Variants in SPTB observed in about 807,000 individuals in gnomAD.
SPTB encodes the protein spectrin beta chain, erythrocytic.
A neutral mutation model predicts 256.2 loss-of-function variants in SPTB; 45 were observed. That is an observed-to-expected ratio of 0.18 (90% CI 0.14 to 0.23). The LOEUF (loss-of-function observed/expected upper bound fraction) is 0.23. Among genes scored for constraint, SPTB ranks in the 10% least tolerant of loss-of-function variants. The pLI is 1.00. For missense variants in SPTB, 2,715 were observed against 3,040.4 expected, an observed-to-expected ratio of 0.89 and a Z score of 2.52; for synonymous variants, 1,231 against 1,243.1, an observed-to-expected ratio of 0.99 and a Z score of 0.21.
chr14:64,878,255 G>C (rs1036844135), intron 1 of SPTB, among the ~76,000 whole-genome samples: 6 of 152,154 alleles, frequency 3.9e-5, no homozygotes, highest in African/African-American at 1.4e-4. Flanking sequence ...TGGAGTTAGT[G>C]GGTTTCAAGG....
At chr14:64,812,659 A>C (rs2083111433) in intron 2 of SPTB, among the ~76,000 whole-genome samples, 1 of 151,968 alleles carries the variant, frequency 6.6e-6, no homozygotes, top group Admixed American at 6.5e-5. Context: ...ACCAGCTGCC[A>C]GCCCCACCCA....
At position 64,749,088 on chromosome 14, in the gene SPTB, C is replaced by G. The variant is rs2081897898; in HGVS notation, c.*218G>C. 2 of 494,510 alleles carry G rather than the reference C, an allele frequency of 4.0e-6. No homozygotes were observed. The highest frequency in any genetic ancestry group is 7.0e-6 in the Non-Finnish European group (2 of 283,862). 30.6% of individuals were successfully genotyped at this position (494,510 alleles called of 1,614,324 possible). A position where few individuals can be genotyped will look rare whatever the true frequency, so the allele number is the denominator to read the frequency against. On this transcript the variant is annotated 3_prime_UTR_variant, in exon 36 of 36. Coordinates refer to ENST00000644917, the MANE Select transcript of SPTB (RefSeq NM_001355436.2). This position sits in a 1 kb window ranked among gnomAD's most constrained non-coding sequence, Gnocchi z 4.7. ...CGCCAGAGGAGCTGGGAGCCCCTGT[C>G]CCTGGAGCGGAGCCAGCGCGGGCGA...
intron 5 of SPTB, 24 bp from the exon 6 acceptor site, chr14:64,801,858 A>G (rs946132169): frequency 1.9e-6 from 3 of 1,608,170 alleles, no homozygotes; most frequent in Non-Finnish European, 2.6e-6. Context: ...AAACAGTAAG[A>G]GCTAAGAATT....
intron 32 of SPTB, among the ~76,000 whole-genome samples, chr14:64,762,775 G>A (rs2082112816): frequency 6.6e-6 from 1 of 152,188 alleles, no homozygotes; most frequent in Admixed American, 6.5e-5. Context: ...GGCTGATAAC[G>A]AGGGGGCACC....
intron 9 of SPTB, 126 bp from the exon 10 acceptor site, chr14:64,797,972 C>A: frequency 2.6e-6 from 2 of 772,166 alleles, no homozygotes; most frequent in South Asian, 1.4e-5. Context: ...CTTAAAAACA[C>A]AGAAAAACTA....
rs772702583 is a variant in SPTB at position 64,792,391 on chromosome 14, T to C, written c.2667-535A>G. 6.6e-6 allele frequency among the ~76,000 whole-genome samples: 1 copy of C among 152,218 alleles called. No individual in the cohort carries two copies. The highest frequency in any genetic ancestry group is 1.5e-5 in the Non-Finnish European group (1 of 68,042). ...CTTCTAGGGTAAGAGCCCAGGACTC[T>C]CCAGCATCAGTGCAGCACCACCTTG... is the stretch of plus-strand genomic sequence containing the variant. On this transcript the variant is annotated intron_variant, in intron 14 of 35. Coordinates refer to ENST00000644917, the MANE Select transcript of SPTB (RefSeq NM_001355436.2). This position sits in a 1 kb window ranked among gnomAD's most constrained non-coding sequence, Gnocchi z 4.2.
chr14:64,766,963 G>A (rs911337063), intron 31 of SPTB, among the ~76,000 whole-genome samples, 162 bp from the exon 32 acceptor site: 10 of 152,150 alleles, frequency 6.6e-5, no homozygotes, highest in Non-Finnish European at 1.5e-4. Context: ...GCCGCCCAGC[G>A]ACTTCTTCGG....
intron 1 of SPTB, among the ~76,000 whole-genome samples, chr14:64,875,996 C>T (rs1882805863): frequency 6.6e-6 from 1 of 152,124 alleles, no homozygotes; most frequent in African/African-American, 2.4e-5. Context: ...GAGATGGCAC[C>T]TCATTCTGTT....
chr14:64,878,737 C>G (rs1882952984), intron 1 of SPTB, among the ~76,000 whole-genome samples: 1 of 152,182 alleles, frequency 6.6e-6, no homozygotes, highest in Non-Finnish European at 1.5e-5. Flanking sequence ...AGTCTCTCCC[C>G]ACAGAAATTC....
intron 2 of SPTB, among the ~76,000 whole-genome samples, chr14:64,818,270 C>A (rs2083226303): frequency 6.6e-6 from 1 of 152,226 alleles, no homozygotes; most frequent in African/African-American, 2.4e-5. Flanking sequence ...TTCCCACAGG[C>A]CCTTCGCAGG....
chr14:64,749,389 G>GA lies in SPTB; in HGVS notation c.6903_6904insT (p.Leu2302SerfsTer62). ...GCGTCGGGGCCGGAGAGGGAAGGCA[G>GA]GGGCAGGCTCTGCGCCTTGACGCGG... On this transcript the variant is annotated frameshift_variant, in exon 36 of 36. Coordinates refer to ENST00000644917, the MANE Select transcript of SPTB (RefSeq NM_001355436.2). LOFTEE classifies it high-confidence loss of function. The surrounding 1 kb of genome is among the most constrained non-coding windows in gnomAD (Gnocchi z 4.7). 1 of 1,609,896 alleles carries GA rather than the reference G, an allele frequency of 6.2e-7. No individual in the cohort carries two copies.
At position 64,779,176 on chromosome 14, in the gene SPTB, A is replaced by T; in HGVS notation, c.4544T>A (p.Leu1515Gln). 1.2e-6 allele frequency: 2 copies of T among 1,614,048 alleles called. No individual in the cohort carries two copies. The highest frequency in any genetic ancestry group is 1.7e-6 in the Non-Finnish European group (2 of 1,179,956). Reference protein sequence around the residue: ...DYGTNLQTVQLFMKKNQTLQN... With the variant: ...DYGTNLQTVQQFMKKNQTLQN... The stretch of plus-strand genomic sequence containing the variant: ...ACTCACCTGGTTCTTCTTCATGAAC[A>T]GTTGCACAGTTTGCAGATTAGTGCC... The change falls in exon 22 of 36, where the codon CTG (leucine) becomes CAG (glutamine). Residue 1515 changes from leucine to glutamine, a missense_variant. Leu to Gln is a moderately radical substitution (Grantham distance 113). This residue lies in a region of SPTB where 2,239 missense variants were observed against 2,384.4 expected (regional missense o/e 0.94). Coordinates refer to ENST00000644917, the MANE Select transcript of SPTB (RefSeq NM_001355436.2). The surrounding 1 kb of genome is among the most constrained non-coding windows in gnomAD (Gnocchi z 4.2).
intron 18 of SPTB, among the ~76,000 whole-genome samples, chr14:64,784,925 G>A (rs578227596): frequency 2.0e-5 from 3 of 152,298 alleles, no homozygotes; most frequent in South Asian, 2.1e-4. Context: ...CTGGGAAGGC[G>A]GATTAAAGAC....
intron 1 of SPTB, among the ~76,000 whole-genome samples, chr14:64,830,911 T>C (rs2083443895): frequency 6.6e-6 from 1 of 152,192 alleles, no homozygotes; most frequent in Non-Finnish European, 1.5e-5. Context: ...TCCCATACCC[T>C]GATATTTTAG....
At position 64,774,428 on chromosome 14, in the gene SPTB, G is replaced by C; in HGVS notation, c.4942C>G (p.Gln1648Glu). Residue 1648 changes from glutamine to glutamate, a missense_variant, in exon 24 of 36, where the codon CAG becomes GAG. Gln to Glu is a conservative substitution (Grantham distance 29). Coordinates refer to ENST00000644917, the MANE Select transcript of SPTB (RefSeq NM_001355436.2). ...RNIKQLASRA[Q>E]GLLSAGHPEG... ...GGGTGGCCTGCAGACAGCAGGCCCT[G>C]GGCCCGGCTGGCCAGCTGCTTGATG... 2 of 1,577,320 alleles carry C rather than the reference G, an allele frequency of 1.3e-6. No individual in the cohort carries two copies. The highest frequency in any genetic ancestry group is 1.7e-6 in the Non-Finnish European group (2 of 1,161,628).
rs764083535 is a variant in SPTB at position 64,799,803 on chromosome 14, G to A, written c.1008C>T (p.Gly336=). Residue 336 remains glycine, a synonymous_variant, in exon 9 of 36, where the codon GGC becomes GGT. Coordinates refer to ENST00000644917, the MANE Select transcript of SPTB (RefSeq NM_001355436.2). ...TGAAGGCCTGCAGCTGCTGCTGGAC[G>A]CCCGTCAGCGAGTTGGCAAACTTGC... ...NSRKFANSLT[G]VQQQLQAFST... 53 of 1,614,252 alleles carry A rather than the reference G, an allele frequency of 3.3e-5. No individual in the cohort carries two copies. In the Middle Eastern group the frequency reaches 1.2e-3, roughly 35 times the overall value.
chr14:64,797,467 CAAAAAAAAAAAAAAAAAAAAAAAA>C (rs57385615), intron 10 of SPTB, among the ~76,000 whole-genome samples: 497 of 31,064 alleles, frequency 0.016, 24 homozygotes, highest in African/African-American at 0.055. Context: ...ACCCTGTCTC[CAAAAAAAAAAAAAAAAAAAAAAAA>C]AAAAAAAAAA....
rs1466165261 is a variant in SPTB, at chr14:64,796,498, G to A, written c.1341+59C>T. The A allele has an allele frequency of 5.0e-6, 8 of 1,608,688 alleles. No individual in the cohort carries two copies. The African/African-American group carries it at 1.1e-4, about 22-fold the overall frequency. On this transcript the variant is annotated intron_variant, in intron 11 of 35. Transcript: ENST00000644917. The surrounding 1 kb of genome is among the most constrained non-coding windows in gnomAD (Gnocchi z 4.1). ...CCAGCTTGGACTCCAGCCCAGCCAA[G>A]AGCTGGGGGCTCTGAAGAATGTCCC...
chr14:64,767,955 G>T, intron 29 of SPTB, 96 bp from the exon 30 acceptor site: 2 of 1,376,538 alleles, frequency 1.5e-6, no homozygotes, highest in Non-Finnish European at 2.0e-6. Flanking sequence ...TCAGGCAGGT[G>T]GCCTGAATAG....
Sources: gnomAD v4.1 joint callset for allele counts (sites outside exome capture counted in the v4.1 genomes callset) on GRCh38, gnomAD v4.1.1 for gene constraint, gnomAD v4.1.1 regional missense constraint, Gnocchi (gnomAD v3.1) non-coding constraint, MANE v1.5 for transcripts, NCBI Gene and HGNC (gene_info 2026-07-23, HGNC 2026-07-21) for gene names.